The following MACROD2 variants were observed in gnomAD, a reference collection of about 807,000 sequenced individuals.
MACROD2 encodes the protein mono-ADP ribosylhydrolase 2, also known as ADP-ribose glycohydrolase MACROD2.
MACROD2 carries 36 observed loss-of-function variants against 70.4 expected under a neutral mutation model. That is an observed-to-expected ratio of 0.51 (90% CI 0.39 to 0.68). MACROD2 has a LOEUF of 0.68. MACROD2 is among the 30% of genes least tolerant of loss of function. The probability of loss-of-function intolerance (pLI) is 0.00; values close to 1 mark genes in which losing one functional copy is unlikely to be tolerated. For synonymous variants in MACROD2, 172 were observed against 178.8 expected (o/e 0.96, Z 0.30); for missense variants, 496 against 538.4 (o/e 0.92, Z 0.78).
intron 8 of MACROD2, among the ~76,000 whole-genome samples, chr20:15,528,736 TTC>T (rs918645942): frequency 6.6e-6 from 1 of 151,408 alleles, no homozygotes; most frequent in African/African-American, 2.5e-5. Flanking sequence ...TTTTTTTTTT[TTC>T]AGTTCCTTTA....
At chr20:14,484,489 A>C (rs1600289081) in intron 3 of MACROD2, among the ~76,000 whole-genome samples, 1 of 152,136 alleles carries the variant, frequency 6.6e-6, no homozygotes, top group African/African-American at 2.4e-5. Flanking sequence ...CTAAATTATT[A>C]TTTACTATAG....
chr20:14,196,880 T>C (rs947874479), intron 3 of MACROD2, among the ~76,000 whole-genome samples: 5 of 152,238 alleles, frequency 3.3e-5, no homozygotes, highest in Admixed American at 3.3e-4. Context: ...GTTTCCTATC[T>C]CCAAAGTTCA....
intron 5 of MACROD2, among the ~76,000 whole-genome samples, chr20:14,813,733 G>A (rs2072742230): frequency 6.6e-6 from 1 of 152,010 alleles, no homozygotes. Context: ...CAATCTGGAA[G>A]CTCATTCAAG....
intron 8 of MACROD2, among the ~76,000 whole-genome samples, chr20:15,714,374 C>T (rs529261655): frequency 6.6e-6 from 1 of 152,344 alleles, no homozygotes; most frequent in South Asian, 2.1e-4. Context: ...TGGTAAAGGA[C>T]ATTTTAGCCA....
intron 8 of MACROD2, among the ~76,000 whole-genome samples, chr20:15,814,256 C>T (rs2063850108): frequency 6.6e-6 from 1 of 152,218 alleles, no homozygotes; most frequent in South Asian, 2.1e-4. Flanking sequence ...GGGTTCTTTT[C>T]CATTATAGTG....
chr20:15,280,720 A>C (rs181101511), intron 6 of MACROD2: 1 of 152,130 alleles, frequency 6.6e-6, no homozygotes, highest in Non-Finnish European at 1.5e-5. Context: ...AAACACTTTC[A>C]CTCTAAGACT....
chr20:14,696,058 A>G (rs756438879), intron 5 of MACROD2, among the ~76,000 whole-genome samples: 6 of 152,194 alleles, frequency 3.9e-5, no homozygotes, highest in Non-Finnish European at 8.8e-5. Context: ...TGGAAAATGA[A>G]AGCCAAATCA....
intron 5 of MACROD2, among the ~76,000 whole-genome samples, chr20:15,093,766 T>C (rs1394725005): frequency 6.6e-6 from 1 of 152,178 alleles, no homozygotes; most frequent in African/African-American, 2.4e-5. Flanking sequence ...CTGCATCTTA[T>C]TTGCCCACAG....
chr20:14,218,853 G>T (rs1164097828), intron 3 of MACROD2, among the ~76,000 whole-genome samples: 3 of 152,320 alleles, frequency 2.0e-5, no homozygotes, highest in African/African-American at 7.2e-5. Context: ...GGAGGCTGAA[G>T]ATAAGTCCCC....
intron 3 of MACROD2, among the ~76,000 whole-genome samples, chr20:14,435,868 G>A (rs1329282223): frequency 6.6e-6 from 1 of 151,922 alleles, no homozygotes; most frequent in South Asian, 2.1e-4. Context: ...CACCACACCT[G>A]GCTAATTTTT....
chr20:14,258,143 C>T (rs557732604), intron 3 of MACROD2, among the ~76,000 whole-genome samples: 26 of 152,212 alleles, frequency 1.7e-4, no homozygotes, highest in Middle Eastern at 3.4e-3. Context: ...GGTTGTTGGG[C>T]ATTTGGGTTG....
intron 4 of MACROD2, among the ~76,000 whole-genome samples, chr20:14,519,040 G>A (rs1440671752): frequency 6.6e-6 from 1 of 152,084 alleles, no homozygotes; most frequent in East Asian, 1.9e-4. Flanking sequence ...TTAAATATAT[G>A]AAAACAATAC....
At chr20:14,585,321 T>C (rs1266603721) in intron 4 of MACROD2, among the ~76,000 whole-genome samples, 1 of 152,156 alleles carries the variant, frequency 6.6e-6, no homozygotes, top group Non-Finnish European at 1.5e-5. Context: ...TATGGAGTGC[T>C]AACATCTTCC....
intron 7 of MACROD2, among the ~76,000 whole-genome samples, chr20:15,461,079 T>C (rs2046812792): frequency 1.3e-5 from 2 of 148,546 alleles, no homozygotes; most frequent in Non-Finnish European, 3.0e-5. Context: ...ATGACCATAG[T>C]TCACTGCAAT....
intron 3 of MACROD2, among the ~76,000 whole-genome samples, chr20:14,304,524 G>T (rs960082432): frequency 6.6e-6 from 1 of 152,180 alleles, no homozygotes; most frequent in African/African-American, 2.4e-5. Context: ...TCTTTGGTTT[G>T]TTTATTTAGA....
At chr20:14,713,984 A>G (rs2071367574) in intron 5 of MACROD2, among the ~76,000 whole-genome samples, 1 of 152,126 alleles carries the variant, frequency 6.6e-6, no homozygotes, top group African/African-American at 2.4e-5. Context: ...CAAAAGTGTA[A>G]AGAAGAGCAG....
At chr20:15,832,237 A>G (rs11699625) in intron 8 of MACROD2, among the ~76,000 whole-genome samples, 11,125 of 152,252 alleles carry the variant, frequency 0.073, 579 homozygotes, top group Non-Finnish European at 0.11. Context: ...GAAGGAACAC[A>G]AAGTTAGAAA....
intron 5 of MACROD2, among the ~76,000 whole-genome samples, chr20:14,789,464 T>G (rs1446798016): frequency 8.6e-5 from 9 of 104,676 alleles, no homozygotes; most frequent in African/African-American, 3.6e-4. Flanking sequence ...GTGCAAATTT[T>G]TTTTTTTTTT....
intron 8 of MACROD2, among the ~76,000 whole-genome samples, chr20:15,756,422 A>T (rs1164797049): frequency 6.6e-6 from 1 of 150,534 alleles, no homozygotes; most frequent in Non-Finnish European, 1.5e-5. Flanking sequence ...AAAAAAAAAA[A>T]TTTACAAGGA....
Sources: gnomAD v4.1 joint callset for allele counts (sites outside exome capture counted in the v4.1 genomes callset) on GRCh38, gnomAD v4.1.1 for gene constraint, MANE v1.5 for transcripts, NCBI Gene and HGNC (gene_info 2026-07-23, HGNC 2026-07-21) for gene names.